SGK1: variants seen among roughly 807,000 people sequenced by gnomAD.
The protein encoded by SGK1 is serum/glucocorticoid regulated kinase 1.
Under a neutral mutation model 64.2 loss-of-function variants are expected in SGK1, and 26 were observed. The observed-to-expected ratio is 0.40, with a 90% CI of 0.30 to 0.56. The LOEUF (loss-of-function observed/expected upper bound fraction) is 0.56. Ranked by LOEUF, SGK1 falls within the 20% of genes least tolerant of loss-of-function variation. The pLI is 0.38. For synonymous variants in SGK1, 265 were observed against 239.7 expected, an observed-to-expected ratio of 1.11 and a Z score of -0.98; for missense variants, 519 against 645.6, an observed-to-expected ratio of 0.80 and a Z score of 2.12.
chr6:134,204,896 A>T (rs1038126724), intron 3 of SGK1, among the ~76,000 whole-genome samples: 2 of 151,730 alleles, frequency 1.3e-5, no homozygotes, highest in African/African-American at 4.8e-5. Context: ...TCCAAGCAAC[A>T]TTTTCTTTTT....
chr6:134,215,060 G>A (rs1474826355), intron 2 of SGK1: 2 of 455,892 alleles, frequency 4.4e-6, no homozygotes, highest in Admixed American at 2.4e-5. Context: ...CACATTTAGG[G>A]AGATGTCAGT....
chr6:134,182,405 GAA>G (rs1352361385), intron 3 of SGK1, among the ~76,000 whole-genome samples: 6 of 150,872 alleles, frequency 4.0e-5, no homozygotes, highest in African/African-American at 1.2e-4. Context: ...AAATTAGCCA[GAA>G]ATCACTTGAA....
chr6:134,195,583 C>T (rs897713370), intron 3 of SGK1, among the ~76,000 whole-genome samples: 3 of 152,162 alleles, frequency 2.0e-5, no homozygotes, highest in African/African-American at 7.2e-5. Flanking sequence ...TAACATTTCC[C>T]TACTCACTGG....
intron 1 of SGK1, among the ~76,000 whole-genome samples, chr6:134,309,308 A>G (rs576545393): frequency 2.6e-5 from 4 of 152,362 alleles, no homozygotes; most frequent in African/African-American, 7.2e-5. Flanking sequence ...TGGCAGCTGC[A>G]GGAGGAGGCC....
intron 2 of SGK1, among the ~76,000 whole-genome samples, chr6:134,246,475 G>A (rs1306337945): frequency 6.6e-6 from 1 of 151,758 alleles, no homozygotes; most frequent in East Asian, 1.9e-4. Flanking sequence ...ATTCCTTTTA[G>A]GCTTGGGAAA....
intron 1 of SGK1, among the ~76,000 whole-genome samples, chr6:134,314,274 C>G (rs1172194353): frequency 6.7e-6 from 1 of 150,074 alleles, no homozygotes; most frequent in Non-Finnish European, 1.5e-5. Context: ...GTATTAAGGA[C>G]TAGAAAGGAG....
intron 2 of SGK1, among the ~76,000 whole-genome samples, chr6:134,254,852 AAT>A (rs1283680686): frequency 6.6e-6 from 1 of 152,162 alleles, no homozygotes; most frequent in Non-Finnish European, 1.5e-5. Context: ...GGGATATGTC[AAT>A]ATATACAAAT....
At chr6:134,316,999 A>G (rs1167118939) in intron 1 of SGK1, among the ~76,000 whole-genome samples, 1 of 152,200 alleles carries the variant, frequency 6.6e-6, no homozygotes, top group East Asian at 1.9e-4. Context: ...TGAAAGGTGT[A>G]GAAAAGTTGA....
chr6:134,268,719 T>C (rs1336746000), intron 1 of SGK1, among the ~76,000 whole-genome samples: 2 of 98,558 alleles, frequency 2.0e-5, no homozygotes, highest in Admixed American at 1.4e-4. Context: ...CGAGACTCTG[T>C]CTCAAAAAAA....
intron 2 of SGK1, among the ~76,000 whole-genome samples, chr6:134,229,707 G>A (rs768567535): frequency 1.3e-5 from 2 of 152,302 alleles, no homozygotes; most frequent in Non-Finnish European, 2.9e-5. Context: ...AAATGCGCAT[G>A]CATATACATG....
intron 3 of SGK1, among the ~76,000 whole-genome samples, chr6:134,198,676 A>C (rs1775631633): frequency 1.4e-5 from 2 of 147,796 alleles, no homozygotes; most frequent in African/African-American, 5.0e-5. Flanking sequence ...CTGAGTAAAT[A>C]TGGATATACC....
At chr6:134,312,947 A>G (rs1777627598) in intron 1 of SGK1, among the ~76,000 whole-genome samples, 1 of 152,024 alleles carries the variant, frequency 6.6e-6, no homozygotes, top group African/African-American at 2.4e-5. Flanking sequence ...TCATTTTTGT[A>G]TTTTTAGTAG....
At chr6:134,171,536 G>A in intron 11 of SGK1, 101 bp downstream of exon 11, 1 of 765,480 alleles carries the variant, frequency 1.3e-6, no homozygotes, top group Admixed American at 2.5e-5. Context: ...CTTTTGATAA[G>A]CGTACTGGTA....
chr6:134,261,709 T>C (rs1179198185), intron 2 of SGK1: 10 of 612,420 alleles, frequency 1.6e-5, no homozygotes, highest in Non-Finnish European at 2.9e-5. Context: ...CTCTGTACCT[T>C]CTGCTCAATG....
chr6:134,309,759 A>C (rs549590127), intron 1 of SGK1, among the ~76,000 whole-genome samples: 1 of 152,314 alleles, frequency 6.6e-6, no homozygotes, highest in African/African-American at 2.4e-5. Context: ...CAAGCTGACA[A>C]GCTAGGAATC....
rs139481884 is a variant in SGK1 at position 134,285,194 on chromosome 6, C to T, written c.70-23046G>A. On this transcript the variant is annotated intron_variant, in intron 1 of 13. Transcript: ENST00000367858. ...TCCCTTTTGGCTGGGCTCGGTGGCT[C>T]ACGCCTGTAATCCCAGCACTTTGGG... Among the ~76,000 whole-genome samples the T allele has an allele frequency of 5.7e-3, 873 of 152,210 alleles. 12 individuals are homozygous for T. Among genetic ancestry groups the T allele is most frequent in the African/African-American group, 0.02 (834 of 41,534 alleles).
intron 2 of SGK1, among the ~76,000 whole-genome samples, chr6:134,257,856 G>A (rs1330358728): frequency 3.3e-5 from 5 of 152,186 alleles, no homozygotes; most frequent in Non-Finnish European, 7.3e-5. Context: ...ACCTGACGGT[G>A]AGTACATATT....
chr6:134,220,145 G>A (rs1327367824), intron 2 of SGK1, among the ~76,000 whole-genome samples: 1 of 151,330 alleles, frequency 6.6e-6, no homozygotes, highest in African/African-American at 2.4e-5. Flanking sequence ...AATTATTTGT[G>A]GCATGGTGTT....
chr6:134,249,144 C>CT (rs1228558783), intron 2 of SGK1, among the ~76,000 whole-genome samples: 2 of 152,190 alleles, frequency 1.3e-5, no homozygotes, highest in Admixed American at 6.5e-5. Context: ...TTAACAAGGT[C>CT]AAAGTCAGAA....
Sources: gnomAD v4.1 joint callset for allele counts (sites outside exome capture counted in the v4.1 genomes callset) on GRCh38, gnomAD v4.1.1 for gene constraint, MANE v1.5 for transcripts, NCBI Gene and HGNC (gene_info 2026-07-23, HGNC 2026-07-21) for gene names.